The following ARID5B variants were observed in gnomAD, a reference collection of about 807,000 sequenced individuals.
ARID5B encodes AT-rich interactive domain-containing protein 5B.
Under a neutral mutation model 97.2 loss-of-function variants are expected in ARID5B, and 13 were observed. The observed-to-expected ratio is 0.13, with a 90% confidence interval of 0.09 to 0.21. ARID5B has a LOEUF of 0.21. Among genes scored for constraint, ARID5B ranks in the 10% least tolerant of loss-of-function variants. ARID5B has a pLI of 1.00. For synonymous variants in ARID5B, 556 were observed against 570.3 expected (o/e 0.97, Z 0.36); for missense variants, 1,210 against 1,465.3 (o/e 0.83, Z 2.84).
At chr10:61,948,483 C>T (rs1269346990) in intron 3 of ARID5B, among the ~76,000 whole-genome samples, 1 of 144,940 alleles carries the variant, frequency 6.9e-6, no homozygotes, top group African/African-American at 2.6e-5. Flanking sequence ...TTCCCTGCCT[C>T]AGCCTCCCGA....
intron 3 of ARID5B, among the ~76,000 whole-genome samples, chr10:61,951,031 A>G (rs1345759812): frequency 6.6e-6 from 1 of 152,228 alleles, no homozygotes; most frequent in Non-Finnish European, 1.5e-5. Flanking sequence ...TTAATCTGTT[A>G]GAGTACTTTT....
At chr10:62,068,525 T>G (rs1390324616) in intron 7 of ARID5B, among the ~76,000 whole-genome samples, 1 of 151,430 alleles carries the variant, frequency 6.6e-6, no homozygotes, top group Admixed American at 6.6e-5. Flanking sequence ...CAAGTTGAGG[T>G]TTTTTAATTT....
At chr10:61,953,337 C>G (rs968251074) in intron 3 of ARID5B, among the ~76,000 whole-genome samples, 1 of 152,154 alleles carries the variant, frequency 6.6e-6, no homozygotes, top group Non-Finnish European at 1.5e-5. Context: ...GAAACATATA[C>G]TTTTCTAGCA....
rs915920250 is a variant in ARID5B at position 62,013,815 on chromosome 10, T to TATATATATATATATATATATATATAC, written c.733+13495_733+13496insTATATATATATATATATATATATACA. Among the ~76,000 whole-genome samples the TATATATATATATATATATATATATAC allele has an allele frequency of 5.4e-4, 79 of 147,362 alleles. 3 individuals are homozygous for TATATATATATATATATATATATATAC. Among genetic ancestry groups the TATATATATATATATATATATATATAC allele is most frequent in the East Asian group, 3.3e-3 (16 of 4,896 alleles). ...TTGGGTATATATATATATATATATA[T>TATATATATATATATATATATATATAC]ACCACATTTTCTCTTTTAATTTTTA... is the stretch of plus-strand genomic sequence containing the variant. On this transcript the variant is annotated intron_variant, in intron 4 of 9. Transcript: ENST00000279873.
chr10:61,960,153 C>G (rs1449803543), intron 3 of ARID5B, among the ~76,000 whole-genome samples: 1 of 152,028 alleles, frequency 6.6e-6, no homozygotes, highest in Admixed American at 6.6e-5. Context: ...TGTCTTATTT[C>G]ATATATTTTT....
At chr10:62,048,062 A>T (rs945567972) in intron 4 of ARID5B, among the ~76,000 whole-genome samples, 2 of 152,206 alleles carry the variant, frequency 1.3e-5, no homozygotes, top group African/African-American at 4.8e-5. Context: ...TGCAAACTCA[A>T]GTCACCAGTT....
chr10:62,088,245 C>T (rs1258813726), intron 9 of ARID5B, among the ~76,000 whole-genome samples: 1 of 152,198 alleles, frequency 6.6e-6, no homozygotes, highest in Non-Finnish European at 1.5e-5. Flanking sequence ...TGCATGCTTA[C>T]ATTCCATTTT....
intron 2 of ARID5B, among the ~76,000 whole-genome samples, chr10:61,928,905 A>T (rs951621280): frequency 6.6e-6 from 1 of 152,136 alleles, no homozygotes; most frequent in Non-Finnish European, 1.5e-5. Context: ...AGTTGGGCAA[A>T]CTGGTAGGTA....
At chr10:62,006,976 C>T (rs1839154886) in intron 4 of ARID5B, among the ~76,000 whole-genome samples, 1 of 152,080 alleles carries the variant, frequency 6.6e-6, no homozygotes, top group South Asian at 2.1e-4. Context: ...TAATATTTCA[C>T]CTAGCATTTC....
At chr10:62,034,626 C>G (rs1299416882) in intron 4 of ARID5B, among the ~76,000 whole-genome samples, 6 of 152,214 alleles carry the variant, frequency 3.9e-5, no homozygotes, top group African/African-American at 1.4e-4. Context: ...TGAACAATTT[C>G]CTACCTTGAT....
chr10:61,928,269 C>A (rs986970382), intron 2 of ARID5B, among the ~76,000 whole-genome samples: 2 of 152,026 alleles, frequency 1.3e-5, no homozygotes, highest in African/African-American at 4.8e-5. Context: ...GTCACTTGTT[C>A]CAGTGTAAAA....
At chr10:61,961,961 C>T (rs1162363086) in intron 3 of ARID5B, among the ~76,000 whole-genome samples, 1 of 152,300 alleles carries the variant, frequency 6.6e-6, no homozygotes, top group Admixed American at 6.5e-5. Context: ...GTTAGCCAGG[C>T]TGGTGTCAAA....
intron 3 of ARID5B, among the ~76,000 whole-genome samples, chr10:61,984,608 GT>G (rs1838821881): frequency 6.6e-6 from 1 of 152,192 alleles, no homozygotes; most frequent in Non-Finnish European, 1.5e-5. Context: ...GAAGGCTAAG[GT>G]TTAGGTACAA....
intron 3 of ARID5B, among the ~76,000 whole-genome samples, chr10:61,964,018 A>C (rs1460854689): frequency 6.6e-6 from 1 of 152,084 alleles, no homozygotes; most frequent in Non-Finnish European, 1.5e-5. Flanking sequence ...TTAGATTTGC[A>C]CCTTTCTTGA....
At chr10:61,927,329 G>A (rs1032713265) in intron 2 of ARID5B, among the ~76,000 whole-genome samples, 9 of 152,010 alleles carry the variant, frequency 5.9e-5, no homozygotes, top group African/African-American at 2.2e-4. Flanking sequence ...ACAAGTCCAA[G>A]AATAACATAG....
In ARID5B at chr10:62,092,952, C is replaced by T. The variant is rs1266473400; in HGVS notation, c.3489C>T (p.Tyr1163=). The T allele has an allele frequency of 6.2e-7, 1 of 1,614,138 alleles. No homozygotes were observed. The highest frequency in any genetic ancestry group is 8.5e-7 in the Non-Finnish European group (1 of 1,180,020). ...SYGDLLHNSI[Y]PLAAINPQAA... ...GGGACCTTTTGCATAACAGCATTTA[C>T]CCTTTAGCTGCTATAAATCCTCAAG... Residue 1163 remains tyrosine, a synonymous_variant, in exon 10 of 10, where the codon TAC becomes TAT. Coordinates refer to ENST00000279873, the MANE Select transcript of ARID5B (RefSeq NM_032199.3).
At chr10:62,008,795 T>C (rs1839179745) in intron 4 of ARID5B, among the ~76,000 whole-genome samples, 1 of 152,206 alleles carries the variant, frequency 6.6e-6, no homozygotes, top group South Asian at 2.1e-4. Context: ...AGGGGGCAGA[T>C]AGTGAACTGC....
intron 3 of ARID5B, among the ~76,000 whole-genome samples, chr10:61,954,028 T>C (rs1026620364): frequency 6.6e-6 from 1 of 152,174 alleles, no homozygotes; most frequent in African/African-American, 2.4e-5. Flanking sequence ...ATCCCAGTTC[T>C]GTAGGAATTT....
chr10:61,908,580 G>A (rs574320994), intron 2 of ARID5B, among the ~76,000 whole-genome samples: 113 of 152,178 alleles, frequency 7.4e-4, no homozygotes, highest in African/African-American at 2.7e-3. Context: ...GGCCGAGGCA[G>A]GCAGATCACG....
Sources: allele counts gnomAD v4.1 joint callset (sites outside exome capture counted in the v4.1 genomes callset), GRCh38; gene constraint gnomAD v4.1.1; transcripts MANE v1.5; gene names NCBI Gene and HGNC (gene_info 2026-07-23, HGNC 2026-07-21).